ZNF677: variants seen among roughly 807,000 people sequenced by gnomAD.
ZNF677 encodes zinc finger protein 677, also known as hypothetical protein MGC48625.
Under a neutral mutation model 8.1 loss-of-function variants are expected in ZNF677, and 5 were observed. The ratio of observed to expected loss-of-function variants is 0.62; its 90% CI spans 0.32 to 1.29. The LOEUF (loss-of-function observed/expected upper bound fraction) is 1.29, where lower values mean the gene tolerates loss of function less well. ZNF677 is among the 50% of genes most tolerant of loss of function. ZNF677 has a pLI of 0.05. For synonymous variants in ZNF677, 221 were observed against 225.6 expected (o/e 0.98, Z 0.18); for missense variants, 685 against 685.9 (o/e 1.00, Z 0.01).
At chr19:53,251,388 C>G (rs899440055) in intron 3 of ZNF677, 148 bp downstream of exon 3, 1 of 670,832 alleles carries the variant, frequency 1.5e-6, no homozygotes, top group African/African-American at 1.8e-5. Context: ...GAGATGGAAT[C>G]TATGTGGAGA....
chr19:53,245,216 T>C (rs1351157487), intron 3 of ZNF677, among the ~76,000 whole-genome samples: 2 of 152,156 alleles, frequency 1.3e-5, no homozygotes, highest in African/African-American at 4.8e-5. Flanking sequence ...GACATTATCT[T>C]GGCAATGATT....
chr19:53,249,593 G>A (rs1181910080), intron 3 of ZNF677: 1 of 152,158 alleles, frequency 6.6e-6, no homozygotes, highest in African/African-American at 2.4e-5. Flanking sequence ...TGATTTTTAC[G>A]ACTTCTCTTC....
chr19:53,252,036 G>C (rs961224319), intron 2 of ZNF677, among the ~76,000 whole-genome samples: 2 of 152,106 alleles, frequency 1.3e-5, no homozygotes, highest in South Asian at 4.1e-4. Flanking sequence ...CACAGGCAGG[G>C]GGAAAGCATA....
intron 3 of ZNF677, among the ~76,000 whole-genome samples, chr19:53,247,688 A>T (rs1018365380): frequency 5.9e-5 from 9 of 152,200 alleles, no homozygotes; most frequent in African/African-American, 1.9e-4. Context: ...TATAGCAGTT[A>T]CATGTTCTTG....
At chr19:53,243,941 C>A in intron 3 of ZNF677, 44 bp from the exon 4 acceptor site, 7 of 1,522,558 alleles carry the variant, frequency 4.6e-6, no homozygotes, top group Non-Finnish European at 6.2e-6. Context: ...AGGAAAATTT[C>A]TTATTTTCAC....
rs567315774 is a variant in ZNF677, at chr19:53,254,101, C to G, written c.-127+733G>C. ...CAATTTTCATGCTCTTCTGCACAAA[C>G]AATGAAGCAAATTTTAAATTAATTA... On this transcript the variant is annotated intron_variant, in intron 1 of 4. Coordinates refer to ENST00000598513, the MANE Select transcript of ZNF677 (RefSeq NM_182609.4). Among the ~76,000 whole-genome samples, 352 of 152,274 alleles carry G rather than the reference C, an allele frequency of 2.3e-3. 3 individuals are homozygous for G. The highest frequency in any genetic ancestry group is 7.9e-3 in the African/African-American group (327 of 41,552).
chr19:53,252,583 T>C (rs1240745442), intron 2 of ZNF677, among the ~76,000 whole-genome samples: 2 of 152,178 alleles, frequency 1.3e-5, no homozygotes, highest in African/African-American at 4.8e-5. Context: ...CAGAAAAATA[T>C]TCAAAAATAT....
chr19:53,238,363 A>G lies in ZNF677; in HGVS notation c.364T>C (p.Leu122=), dbSNP rs62117792. The change falls in exon 5 of 5, where the codon TTG becomes CTG. Residue 122 remains leucine, a synonymous_variant. Transcript: ENST00000598513. The stretch of plus-strand genomic sequence containing the variant: ...TGAGTGAGATTTTTGTTACAGGTCA[A>G]AGGCATTCCTTTGTAATTTTTTACA... The part of the protein sequence containing the change: ...YDVKNYKGMP[L]TCNKNLTHRK... 2.2e-3 allele frequency: 3,578 copies of G among 1,613,592 alleles called. 7 individuals carry two copies. The highest frequency in any genetic ancestry group is 2.7e-3 in the Non-Finnish European group (3,200 of 1,179,814).
In ZNF677 at chr19:53,237,899, C is replaced by A. The variant is rs775530052; in HGVS notation, c.828G>T (p.Ser276=). 6.2e-7 allele frequency: 1 copy of A among 1,612,910 alleles called. No homozygotes were observed. The highest frequency in any genetic ancestry group is 1.1e-5 in the South Asian group (1 of 91,074). ...GAATTCTCTGATGATTAGTGAGGTTCGAACTTTTGCTAAAAGCCTTTCCAC... is the reference window on the plus strand; with the variant it reads ...GAATTCTCTGATGATTAGTGAGGTTAGAACTTTTGCTAAAAGCCTTTCCAC... ...NDCGKAFSKS[S]NLTNHQRIHS... is the part of the protein sequence containing the mutation. Residue 276 remains serine, a synonymous_variant, in exon 5 of 5, where the codon TCG becomes TCT. Transcript: ENST00000598513.
At chr19:53,244,065 A>C in intron 3 of ZNF677, 168 bp from the exon 4 acceptor site, 1 of 653,812 alleles carries the variant, frequency 1.5e-6, no homozygotes, top group Non-Finnish European at 2.5e-6. Flanking sequence ...ACATAACATA[A>C]AATTAGCTAT....
chr19:53,241,192 A>G (rs1301723584), intron 4 of ZNF677: 1 of 152,174 alleles, frequency 6.6e-6, no homozygotes, highest in Non-Finnish European at 1.5e-5. Context: ...TATATGAAGC[A>G]GAAAAAAATA....
At chr19:53,238,734 C>T in intron 4 of ZNF677, 177 bp from the exon 5 acceptor site, 1 of 504,712 alleles carries the variant, frequency 2.0e-6, no homozygotes, top group East Asian at 3.3e-5. Context: ...AATAAAGTAA[C>T]ACAGTAACAA....
At position 53,236,908 on chromosome 19, in the gene ZNF677, A is replaced by G; in HGVS notation, c.*64T>C. The G allele has an allele frequency of 7.0e-7, 1 of 1,424,676 alleles. No homozygotes were observed. Among genetic ancestry groups the G allele is most frequent in the Non-Finnish European group, 9.4e-7 (1 of 1,064,242 alleles). 88.3% of individuals were successfully genotyped at this position (1,424,676 alleles called of 1,614,324 possible). On this transcript the variant is annotated 3_prime_UTR_variant, in exon 5 of 5. Transcript: ENST00000598513. ...TCTGGTATCAAGTGAGACATAAGCCATAGCTAAAGGCTTTACCACATTTTC... is the reference window on the plus strand; with the variant it reads ...TCTGGTATCAAGTGAGACATAAGCCGTAGCTAAAGGCTTTACCACATTTTC...
intron 1 of ZNF677, among the ~76,000 whole-genome samples, chr19:53,253,882 ATTG>A (rs1377426748): frequency 6.6e-6 from 1 of 152,182 alleles, no homozygotes; most frequent in African/African-American, 2.4e-5. Context: ...AGGGAATAAT[ATTG>A]TTAATGTCTG....
intron 4 of ZNF677, chr19:53,238,793 A>G (rs1325285160): frequency 2.1e-5 from 7 of 333,556 alleles, no homozygotes; most frequent in Non-Finnish European, 3.8e-5. Context: ...CCTATAGCTA[A>G]AACACTCATA....
chr19:53,251,692 G>C (rs2146970074), intron 2 of ZNF677, 87 bp from the exon 3 acceptor site: 1 of 899,992 alleles, frequency 1.1e-6, no homozygotes, highest in East Asian at 2.8e-5. Flanking sequence ...GCTTGATATA[G>C]AAAAAAGATG....
chr19:53,243,495 T>C (rs1568692104), intron 4 of ZNF677: 4 of 536,136 alleles, frequency 7.5e-6, no homozygotes, highest in Non-Finnish European at 1.3e-5. Context: ...CCAGACACTT[T>C]AAAACGTTTT....
Position 53,238,400 on chromosome 19 carries a change from C to T in ZNF677, c.327G>A (p.Leu109=). The change falls in exon 5 of 5, where the codon CTG becomes CTA. Residue 109 remains leucine, a synonymous_variant. Coordinates refer to ENST00000598513, the MANE Select transcript of ZNF677 (RefSeq NM_182609.4). ...VWENMPKFDS[L]WDYDVKNYKG... ...TGTAATTTTTTACATCATAGTCCCA[C>T]AGGCTGTCAAACTTAGGCATATTTT... is the stretch of plus-strand genomic sequence containing the variant. 2 of 1,613,954 alleles carry T rather than the reference C, an allele frequency of 1.2e-6. No individual in the cohort carries two copies. Among genetic ancestry groups the T allele is most frequent in the Non-Finnish European group, 1.7e-6 (2 of 1,179,930 alleles).
chr19:53,245,674 T>C (rs2091124380), intron 3 of ZNF677, among the ~76,000 whole-genome samples: 1 of 152,160 alleles, frequency 6.6e-6, no homozygotes, highest in African/African-American at 2.4e-5. Flanking sequence ...TTGGTCAGAA[T>C]ATGAATTAGT....
Sources: gnomAD v4.1 joint callset for allele counts (sites outside exome capture counted in the v4.1 genomes callset) on GRCh38, gnomAD v4.1.1 for gene constraint, MANE v1.5 for transcripts, NCBI Gene and HGNC (gene_info 2026-07-23, HGNC 2026-07-21) for gene names.